The following CMYA5 variants were observed in gnomAD, a reference collection of about 807,000 sequenced individuals.
CMYA5 encodes cardiomyopathy associated 5.
Under a neutral mutation model 318.9 loss-of-function variants are expected in CMYA5, and 246 were observed. The ratio of observed to expected loss-of-function variants is 0.77; its 90% CI spans 0.70 to 0.86. The LOEUF (loss-of-function observed/expected upper bound fraction) is 0.86. CMYA5 is among the 40% of genes least tolerant of loss of function. The pLI, the probability that CMYA5 is intolerant of heterozygous loss-of-function variation, is 0.00. For missense variants in CMYA5, 4,589 were observed against 4,678.2 expected (o/e 0.98, Z 0.56); for synonymous variants, 1,641 against 1,729.5 (o/e 0.95, Z 1.27).
intron 9 of CMYA5, among the ~76,000 whole-genome samples, chr5:79,778,790 C>T (rs1031540061): frequency 6.2e-5 from 6 of 96,730 alleles, no homozygotes; most frequent in Non-Finnish European, 9.6e-5. Flanking sequence ...GCCCCCATGC[C>T]GCCTGCCCCC....
Position 79,799,819 on chromosome 5 carries a change from A to C in CMYA5, c.*203A>C, listed in dbSNP as rs1829341850. ...GCAGTGTGTGAGTAAACAGAATGAAAACAACAACCTCCACTCTTTAGTTTA... is the reference window on the plus strand; with the variant it reads ...GCAGTGTGTGAGTAAACAGAATGAACACAACAACCTCCACTCTTTAGTTTA... On this transcript the variant is annotated 3_prime_UTR_variant, in exon 13 of 13. Transcript: ENST00000446378. 4.3e-6 allele frequency: 2 copies of C among 460,052 alleles called. No individual in the cohort carries two copies. The highest frequency in any genetic ancestry group is 3.7e-6 in the Non-Finnish European group (1 of 266,888). The allele number at this position is 460,052 out of a possible 1,614,324, so 28.5% of individuals were successfully genotyped here.
chr5:79,726,515 C>G (rs551737758), intron 1 of CMYA5, among the ~76,000 whole-genome samples: 1 of 152,184 alleles, frequency 6.6e-6, no homozygotes, highest in Admixed American at 6.5e-5. Context: ...AATACCCAAG[C>G]AAATGAGTGA....
At chr5:79,775,958 A>AGAAAACAAAATC (rs1294215808) in intron 9 of CMYA5, among the ~76,000 whole-genome samples, 12 of 152,138 alleles carry the variant, frequency 7.9e-5, no homozygotes, top group Non-Finnish European at 1.6e-4. Context: ...GAGGGTAACT[A>AGAAAACAAAATC]TAGAGAAAAC....
Position 79,730,304 on chromosome 5 carries a change from AC to A in CMYA5, c.1542del (p.Ile515Ter), listed in dbSNP as rs1449447535. 5.6e-6 allele frequency: 9 copies of A among 1,613,834 alleles called. No individual in the cohort carries two copies. The South Asian group carries it at 9.9e-5, about 18-fold the overall frequency. On this transcript the variant is annotated frameshift_variant, in exon 2 of 13. Coordinates refer to ENST00000446378, the MANE Select transcript of CMYA5 (RefSeq NM_153610.5). LOFTEE classifies it high-confidence loss of function. Reference sequence around the variant, plus strand: ...AGAAAGAAGAAATAGAAACTTCCCTACCCATAGCTATTACCCCTGAACCTGA... The same window carrying A: ...AGAAAGAAGAAATAGAAACTTCCCTACCATAGCTATTACCCCTGAACCTGA... ...PEKEEIETSL[P>X]IAITPEPEDS...
Position 79,736,199 on chromosome 5 carries a change from C to T in CMYA5, c.7434C>T (p.Asn2478=), listed in dbSNP as rs1405511362. The T allele has an allele frequency of 1.9e-6, 3 of 1,613,566 alleles. No individual in the cohort carries two copies. Among genetic ancestry groups the T allele is most frequent in the African/African-American group, 2.7e-5 (2 of 74,904 alleles). ...AEKKVLAEKQ[N]SVAPLELRDS... ...AGAAGGTGCTGGCAGAAAAACAAAA[C>T]TCTGTGGCCCCATTAGAGCTTAGAG... The change falls in exon 2 of 13, where the codon AAC becomes AAT. Residue 2478 remains asparagine, a synonymous_variant. Coordinates refer to ENST00000446378, the MANE Select transcript of CMYA5 (RefSeq NM_153610.5).
rs370536483 is a variant in CMYA5 at position 79,739,185 on chromosome 5, A to G, written c.10420A>G (p.Thr3474Ala). ...ATTTGCGAGTGAGGCAGAACAAAGT[A>G]CACCTGCTGAACAAAAAGAGTTGGG... Reference protein sequence around the residue: ...NEFASEAEQSTPAEQKELGSE... With the variant: ...NEFASEAEQSAPAEQKELGSE... Residue 3474 changes from threonine (T) to alanine (A), a missense_variant, in exon 2 of 13, where the codon ACA becomes GCA. Thr to Ala is a moderately conservative substitution (Grantham distance 58). Transcript: ENST00000446378. The G allele has an allele frequency of 1.2e-5, 19 of 1,613,440 alleles. No homozygotes were observed. Among genetic ancestry groups the G allele is most frequent in the Non-Finnish European group, 1.5e-5 (18 of 1,179,730 alleles).
In CMYA5 at chr5:79,734,404, C is replaced by T. The variant is rs1043173142; in HGVS notation, c.5639C>T (p.Thr1880Ile). 7.4e-6 allele frequency: 12 copies of T among 1,613,402 alleles called. No homozygotes were observed. In the African/African-American group the frequency reaches 1.3e-4, roughly 18 times the overall value. ...MTTKPADVKE[T>I]KMEEFFISPK... is the part of the protein sequence containing the mutation. ...ACCAAGCCTGCGGATGTCAAAGAAA[C>T]AAAAATGGAAGAATTCTTTATTTCT... The change falls in exon 2 of 13, where the codon ACA becomes ATA. Residue 1880 changes from threonine (T) to isoleucine (I), a missense_variant. By Grantham distance (89) the Thr-to-Ile change is moderately conservative. This residue lies in a region of CMYA5 where 26 missense variants were observed against 51.8 expected (regional missense o/e 0.50). Transcript: ENST00000446378.
chr5:79,724,397 G>A (rs1212060535), intron 1 of CMYA5, among the ~76,000 whole-genome samples: 1 of 152,154 alleles, frequency 6.6e-6, no homozygotes, highest in Non-Finnish European at 1.5e-5. Context: ...AGGAATAGAA[G>A]GAAACTTCCT....
Position 79,735,036 on chromosome 5 carries a change from A to G in CMYA5, c.6271A>G (p.Arg2091Gly). ...PALGNEKEAH[R>G]STPPFPEEKP... Reference sequence around the variant, plus strand: ...ATTGGGCAATGAAAAAGAAGCACACAGGAGCACACCTCCTTTTCCTGAAGA... The same window carrying G: ...ATTGGGCAATGAAAAAGAAGCACACGGGAGCACACCTCCTTTTCCTGAAGA... Residue 2091 changes from arginine to glycine, a missense_variant, in exon 2 of 13, where the codon AGG becomes GGG. Physicochemically the swap from Arg to Gly is moderately radical, Grantham distance 125. Transcript: ENST00000446378. 5.0e-6 allele frequency: 8 copies of G among 1,613,912 alleles called. No homozygotes were observed. Among genetic ancestry groups the G allele is most frequent in the African/African-American group, 2.7e-5 (2 of 75,050 alleles).
intron 11 of CMYA5, among the ~76,000 whole-genome samples, chr5:79,791,355 G>GA (rs900369577): frequency 6.6e-6 from 1 of 151,438 alleles, no homozygotes; most frequent in Non-Finnish European, 1.5e-5. Flanking sequence ...TTCAGTGGGG[G>GA]AAAAAAAGGG....
chr5:79,698,939 C>G (rs62363667), intron 1 of CMYA5, among the ~76,000 whole-genome samples: 23,723 of 152,108 alleles, frequency 0.16, 1,923 homozygotes, highest in African/African-American at 0.2. Context: ...AGGTAGATCA[C>G]TTGAAATCAG....
chr5:79,775,292 GT>G, intron 9 of CMYA5, among the ~76,000 whole-genome samples: 1 of 152,176 alleles, frequency 6.6e-6, no homozygotes, highest in Admixed American at 6.5e-5. Context: ...TAGTTGTACA[GT>G]AAAACCTCAG....
chr5:79,755,441 C>T (rs1443332515), intron 6 of CMYA5, among the ~76,000 whole-genome samples: 2 of 152,052 alleles, frequency 1.3e-5, no homozygotes, highest in Non-Finnish European at 2.9e-5. Flanking sequence ...CGTGCATCAC[C>T]ATGCCCAGCT....
rs370800771 is a variant in CMYA5, at chr5:79,731,429, C to T, written c.2664C>T (p.Val888=). 1.4e-5 allele frequency: 23 copies of T among 1,613,086 alleles called. No individual in the cohort carries two copies. Among genetic ancestry groups the T allele is most frequent in the East Asian group, 4.5e-5 (2 of 44,872 alleles). ...EYVVLSDEEA[V]ELERYTPSST... ...TTGTTCTATCAGACGAAGAGGCAGT[C>T]GAGTTGGAACGATACACACCCTCTT... Residue 888 remains valine, a synonymous_variant, in exon 2 of 13, where the codon GTC becomes GTT. Transcript: ENST00000446378.
chr5:79,798,745 T>C (rs892772630), intron 12 of CMYA5, among the ~76,000 whole-genome samples: 1 of 152,114 alleles, frequency 6.6e-6, no homozygotes, highest in African/African-American at 2.4e-5. Flanking sequence ...CAAGGAATAG[T>C]TGTTGAGTTG....
intron 7 of CMYA5, among the ~76,000 whole-genome samples, chr5:79,759,567 C>T (rs1042679707): frequency 6.6e-6 from 1 of 152,204 alleles, no homozygotes; most frequent in African/African-American, 2.4e-5. Context: ...AAGTATCTCT[C>T]AGCTCAGAAG....
rs780030743 is a variant in CMYA5 at position 79,736,030 on chromosome 5, T to C, written c.7265T>C (p.Ile2422Thr). 4 of 1,612,958 alleles carry C rather than the reference T, an allele frequency of 2.5e-6. No homozygotes were observed. The highest frequency in any genetic ancestry group is 1.7e-5 in the Admixed American group (1 of 59,834). The change falls in exon 2 of 13, where the codon ATT becomes ACT. Residue 2422 changes from isoleucine to threonine, a missense_variant. Coordinates refer to ENST00000446378, the MANE Select transcript of CMYA5 (RefSeq NM_153610.5). ...GTAGAAGAATCAAAAGGCAGTTTAA[T>C]TGATTTCAGTGAAGACAGACTCAAG... Reference protein sequence around the residue: ...LPVEESKGSLIDFSEDRLKKE... With the variant: ...LPVEESKGSLTDFSEDRLKKE...
chr5:79,705,008 C>A (rs555569322), intron 1 of CMYA5, among the ~76,000 whole-genome samples: 2 of 152,214 alleles, frequency 1.3e-5, no homozygotes, highest in African/African-American at 4.8e-5. Context: ...CGCAGTGGCT[C>A]ACGCCTGTAA....
At chr5:79,726,909 A>ATTTTTGTTTTTTTTTTTTTTTTTTTT (rs1827758687) in intron 1 of CMYA5, among the ~76,000 whole-genome samples, 1 of 96,040 alleles carries the variant, frequency 1.0e-5, no homozygotes, top group African/African-American at 5.2e-5. Context: ...TAGGCCAGTG[A>ATTTTTGTTTTTTTTTTTTTTTTTTTT]TTTTTTTTTT....
Sources: allele counts gnomAD v4.1 joint callset (sites outside exome capture counted in the v4.1 genomes callset), GRCh38; gene constraint gnomAD v4.1.1; regional missense constraint gnomAD v4.1.1; transcripts MANE v1.5; gene names NCBI Gene and HGNC (gene_info 2026-07-23, HGNC 2026-07-21).